The following LIMA1 variants were observed in gnomAD, a reference collection of about 807,000 sequenced individuals.
The protein encoded by LIMA1 is LIM domain and actin binding 1.
A neutral mutation model predicts 62.6 loss-of-function variants in LIMA1; 52 were observed. That is an observed-to-expected ratio of 0.83 (90% confidence interval 0.67 to 1.05). LIMA1 has a LOEUF of 1.05. Ranked by LOEUF, LIMA1 falls within the 50% of genes least tolerant of loss-of-function variation. The probability of loss-of-function intolerance (pLI) is 0.00; values close to 1 mark genes in which losing one functional copy is unlikely to be tolerated. For synonymous variants in LIMA1, 302 were observed against 317.8 expected, an observed-to-expected ratio of 0.95 and a Z score of 0.53; for missense variants, 780 against 902.2, an observed-to-expected ratio of 0.86 and a Z score of 1.74.
chr12:50,262,095 A>G (rs553161773), intron 1 of LIMA1, among the ~76,000 whole-genome samples: 48 of 152,372 alleles, frequency 3.2e-4, no homozygotes, highest in African/African-American at 1.2e-3. Context: ...GGTCTCCAGT[A>G]TTCTACTAAG....
chr12:50,268,594 A>ATTATTATTATT (rs1942167700), intron 1 of LIMA1, among the ~76,000 whole-genome samples: 2 of 149,188 alleles, frequency 1.3e-5, no homozygotes, highest in Non-Finnish European at 3.0e-5. Flanking sequence ...GCCATGAAGC[A>ATTATTATTATT]ATTATTATTA....
chr12:50,181,112 C>CAA (rs35433011), intron 10 of LIMA1, among the ~76,000 whole-genome samples: 2,156 of 70,484 alleles, frequency 0.031, 87 homozygotes, highest in African/African-American at 0.088. Context: ...ACTCTGTATC[C>CAA]AAAAAAAAAA....
At chr12:50,223,410 G>C (rs1941480075) in intron 3 of LIMA1, among the ~76,000 whole-genome samples, 1 of 151,190 alleles carries the variant, frequency 6.6e-6, no homozygotes, top group African/African-American at 2.4e-5. Flanking sequence ...TTGAACCTGG[G>C]AAGTGGAGGT....
intron 4 of LIMA1, among the ~76,000 whole-genome samples, chr12:50,220,367 A>G (rs183016842): frequency 1.1e-4 from 17 of 152,140 alleles, no homozygotes; most frequent in African/African-American, 4.1e-4. Flanking sequence ...GACTAGTAAG[A>G]TCTTATATGG....
At chr12:50,241,924 C>T (rs2138619959) in intron 2 of LIMA1, among the ~76,000 whole-genome samples, 1 of 121,190 alleles carries the variant, frequency 8.3e-6, no homozygotes, top group Admixed American at 9.0e-5. Flanking sequence ...GTTCCTCTTT[C>T]CTTCCCAGAT....
intron 4 of LIMA1, among the ~76,000 whole-genome samples, chr12:50,212,818 T>G (rs1941280784): frequency 6.6e-6 from 1 of 152,102 alleles, no homozygotes; most frequent in South Asian, 2.1e-4. Flanking sequence ...TTTAATTTTA[T>G]TTTTTATTTT....
Position 50,177,592 on chromosome 12 carries a change from C to CAGTGAAGA in LIMA1, c.1744_1751dup (p.Lys585LeufsTer3), listed in dbSNP as rs1163177693. 3 of 1,611,376 alleles carry CAGTGAAGA rather than the reference C, an allele frequency of 1.9e-6. No homozygotes were observed. In the South Asian group the frequency reaches 3.3e-5, roughly 18 times the overall value. ...CAGTGAATGGGCGGCTTCTTTCCTT[C>CAGTGAAGA]AGTGAAGAAGATCGTCTTAGCTTCT... On this transcript the variant is annotated frameshift_variant, in exon 11 of 11. Coordinates refer to ENST00000341247, the MANE Select transcript of LIMA1 (RefSeq NM_016357.5). LOFTEE classifies it low-confidence loss of function (END_TRUNC).
chr12:50,208,992 C>CTTTT (rs34753640), intron 4 of LIMA1, among the ~76,000 whole-genome samples: 1 of 136,268 alleles, frequency 7.3e-6, no homozygotes. Flanking sequence ...TTCTTTCTTT[C>CTTTT]TTTTTTTTTT....
At chr12:50,192,307 G>A (rs542580572) in intron 9 of LIMA1, 145 bp downstream of exon 9, 77 of 629,888 alleles carry the variant, frequency 1.2e-4, no homozygotes, top group Middle Eastern at 8.7e-4. Flanking sequence ...CAGGGAAAGC[G>A]ACTGGCTTCA....
At chr12:50,221,587 G>C (rs1236959271) in intron 4 of LIMA1, among the ~76,000 whole-genome samples, 1 of 152,186 alleles carries the variant, frequency 6.6e-6, no homozygotes, top group African/African-American at 2.4e-5. Context: ...AAGGGATTCA[G>C]CTAGCAGAGA....
At chr12:50,226,884 G>T in intron 3 of LIMA1, among the ~76,000 whole-genome samples, 4 of 145,918 alleles carry the variant, frequency 2.7e-5, no homozygotes, top group Admixed American at 1.4e-4. Flanking sequence ...CCACTACTCA[G>T]TTTCATAATT....
chr12:50,190,491 C>T lies in LIMA1; in HGVS notation c.1140+1961G>A, dbSNP rs556158720. On this transcript the variant is annotated intron_variant, in intron 9 of 10. Transcript: ENST00000341247. ...CAAGCAATTCTCCTGCCTCGGCTTCCCAAGTAGCTGGGATTACAGGCATGT... is the reference window on the plus strand; with the variant it reads ...CAAGCAATTCTCCTGCCTCGGCTTCTCAAGTAGCTGGGATTACAGGCATGT... Among the ~76,000 whole-genome samples, 19 of 151,434 alleles carry T rather than the reference C, an allele frequency of 1.3e-4. No homozygotes were observed. In the South Asian group the frequency reaches 4.0e-3, roughly 32 times the overall value.
At chr12:50,179,446 G>GTTGTT in intron 10 of LIMA1, among the ~76,000 whole-genome samples, 2 of 118,884 alleles carry the variant, frequency 1.7e-5, no homozygotes, top group Non-Finnish European at 1.8e-5. Flanking sequence ...AGCCATTTTT[G>GTTGTT]TTTTTTTTTG....
chr12:50,273,109 T>C (rs139071344), intron 1 of LIMA1, among the ~76,000 whole-genome samples: 13 of 151,722 alleles, frequency 8.6e-5, no homozygotes, highest in Non-Finnish European at 1.9e-4. Flanking sequence ...CCTTACTCTC[T>C]CTCCCAGGCT....
intron 2 of LIMA1, among the ~76,000 whole-genome samples, chr12:50,233,423 C>A (rs1230051346): frequency 1.3e-5 from 2 of 152,180 alleles, no homozygotes; most frequent in African/African-American, 4.8e-5. Flanking sequence ...TTGTTCTCAG[C>A]CAAATGGTTG....
intron 1 of LIMA1, among the ~76,000 whole-genome samples, chr12:50,267,461 C>T (rs577056843): frequency 6.6e-6 from 1 of 151,780 alleles, no homozygotes; most frequent in Admixed American, 6.6e-5. Context: ...AGATGATCCA[C>T]CCTCCTTGGC....
intron 1 of LIMA1, chr12:50,249,761 T>C (rs1941902877): frequency 6.6e-6 from 1 of 152,188 alleles, no homozygotes; most frequent in Non-Finnish European, 1.5e-5. Flanking sequence ...AGTACCACTT[T>C]GTTTCTGATC....
intron 1 of LIMA1, among the ~76,000 whole-genome samples, chr12:50,261,040 A>ATTTTTTT (rs1394809506): frequency 6.1e-5 from 3 of 48,914 alleles, no homozygotes; most frequent in Admixed American, 3.1e-4. Flanking sequence ...GCCATCTAGT[A>ATTTTTTT]TATTTTTTTT....
At position 50,217,679 on chromosome 12, in the gene LIMA1, C is replaced by A; in HGVS notation, c.630+4342G>T. On this transcript the variant is annotated intron_variant, in intron 4 of 10. Coordinates refer to ENST00000341247, the MANE Select transcript of LIMA1 (RefSeq NM_016357.5). ...CTTCATGACCTTGATTTCTGGCGGT[C>A]GTGGGGCAGCACCCGCAGGTCTACA... is the stretch of plus-strand genomic sequence containing the variant. 1.3e-5 allele frequency: 3 copies of A among 225,952 alleles called. No homozygotes were observed. The South Asian group carries it at 1.9e-4, about 15-fold the overall frequency. 14.0% of individuals were successfully genotyped at this position (225,952 alleles called of 1,614,324 possible). A position where few individuals can be genotyped will look rare whatever the true frequency, so the allele number is the denominator to read the frequency against.
Sources: allele counts gnomAD v4.1 joint callset (sites outside exome capture counted in the v4.1 genomes callset), GRCh38; gene constraint gnomAD v4.1.1; transcripts MANE v1.5; gene names NCBI Gene and HGNC (gene_info 2026-07-23, HGNC 2026-07-21).